Variants in NIM1K observed in about 807,000 individuals in gnomAD.
NIM1K encodes serine/threonine-protein kinase NIM1.
In NIM1K, 35 loss-of-function variants were observed where a neutral mutation model predicts 37.1. That is an observed-to-expected ratio of 0.94 (90% CI 0.72 to 1.25). The LOEUF (loss-of-function observed/expected upper bound fraction) is 1.25. NIM1K is among the 50% of genes most tolerant of loss of function. The probability of loss-of-function intolerance (pLI) is 0.00; values close to 1 mark genes in which losing one functional copy is unlikely to be tolerated. For missense variants in NIM1K, 564 were observed against 548.0 expected (o/e 1.03, Z -0.29); for synonymous variants, 234 against 206.6 (o/e 1.13, Z -1.14).
At chr5:43,276,067 G>A (rs2111565269) in intron 2 of NIM1K, among the ~76,000 whole-genome samples, 1 of 151,940 alleles carries the variant, frequency 6.6e-6, no homozygotes, top group South Asian at 2.1e-4. Context: ...TCTAATTTTT[G>A]TATTTTTAGT....
intron 1 of NIM1K, among the ~76,000 whole-genome samples, chr5:43,244,756 C>T (rs957941427): frequency 2.0e-4 from 31 of 152,148 alleles, no homozygotes; most frequent in Admixed American, 1.7e-3. Context: ...AATCTTTCAT[C>T]TTTGCTATCA....
At chr5:43,195,350 C>A (rs1032431857) in intron 1 of NIM1K, among the ~76,000 whole-genome samples, 3 of 152,114 alleles carry the variant, frequency 2.0e-5, no homozygotes, top group Non-Finnish European at 2.9e-5. Flanking sequence ...TACAGATGGA[C>A]AAGTTGTGTT....
intron 2 of NIM1K, among the ~76,000 whole-genome samples, chr5:43,257,463 G>A (rs1210787273): frequency 4.1e-5 from 6 of 146,552 alleles, no homozygotes. Context: ...TGCCTTCTGG[G>A]TTCAAGCAAT....
At chr5:43,265,486 C>T (rs1753130325) in intron 2 of NIM1K, among the ~76,000 whole-genome samples, 1 of 152,156 alleles carries the variant, frequency 6.6e-6, no homozygotes, top group Admixed American at 6.5e-5. Flanking sequence ...TTAAGGTCTT[C>T]TCTATGCTTT....
intron 2 of NIM1K, among the ~76,000 whole-genome samples, chr5:43,266,578 C>T (rs913015786): frequency 1.9e-4 from 29 of 152,218 alleles, no homozygotes; most frequent in African/African-American, 5.5e-4. Flanking sequence ...CTGGGTGAGG[C>T]GATGCCCTGC....
intron 1 of NIM1K, chr5:43,233,312 T>TACTTA (rs1554014756): frequency 3.3e-6 from 1 of 302,982 alleles, no homozygotes; most frequent in Non-Finnish European, 6.1e-6. Flanking sequence ...GAGTGACACT[T>TACTTA]AAAAAAAAAA....
intron 1 of NIM1K, among the ~76,000 whole-genome samples, chr5:43,209,909 C>T (rs1273797649): frequency 6.6e-6 from 1 of 152,138 alleles, no homozygotes; most frequent in Non-Finnish European, 1.5e-5. Flanking sequence ...GTCACCACAC[C>T]CGGCCCCGTG....
Position 43,229,042 on chromosome 5 carries a change from C to T in NIM1K, c.-694-16040C>T, listed in dbSNP as rs183305922. 9.2e-5 allele frequency among the ~76,000 whole-genome samples: 14 copies of T among 152,216 alleles called. No individual in the cohort carries two copies. In the East Asian group the frequency reaches 1.5e-3, roughly 17 times the overall value. On this transcript the variant is annotated intron_variant, in intron 1 of 3. Transcript: ENST00000326035. ...TATAGTACTTTTTAAAACAATAACA[C>T]GCTTACTTGCTTCACCTTAGTTTCT... is the stretch of plus-strand genomic sequence containing the variant.
intron 1 of NIM1K, chr5:43,232,985 T>G: frequency 8.7e-7 from 1 of 1,152,970 alleles, no homozygotes; most frequent in Non-Finnish European, 1.3e-6. Context: ...AACACTGCCC[T>G]GGGCACATGC....
chr5:43,222,253 T>C (rs1473445653), intron 1 of NIM1K, among the ~76,000 whole-genome samples: 2 of 152,172 alleles, frequency 1.3e-5, no homozygotes, highest in African/African-American at 4.8e-5. Flanking sequence ...TACGATCTTA[T>C]GGTTTAGGAC....
At chr5:43,242,354 C>T (rs936081644) in intron 1 of NIM1K, among the ~76,000 whole-genome samples, 17 of 151,816 alleles carry the variant, frequency 1.1e-4, no homozygotes, top group South Asian at 1.0e-3. Context: ...AGAGAACAAG[C>T]CCTGAAGCAG....
intron 2 of NIM1K, among the ~76,000 whole-genome samples, chr5:43,250,271 T>C (rs1428829414): frequency 6.6e-6 from 1 of 152,178 alleles, no homozygotes; most frequent in African/African-American, 2.4e-5. Context: ...TATCTATATA[T>C]GTGTATTTAT....
chr5:43,231,886 G>C lies in NIM1K; in HGVS notation c.-694-13196G>C, dbSNP rs560951051. ...CCAACCTCCTTATAATCCTTCTCAA[G>C]GGCAGTCATGTCCTCACTGGCCTCA... On this transcript the variant is annotated intron_variant, in intron 1 of 3. Transcript: ENST00000326035. 39 of 1,119,034 alleles carry C rather than the reference G, an allele frequency of 3.5e-5. 1 individual carries two copies. In the South Asian group the frequency reaches 4.4e-4, roughly 13 times the overall value. The allele number at this position is 1,119,034 out of a possible 1,614,324, so 69.3% of individuals were successfully genotyped here.
In NIM1K at chr5:43,277,275, C is replaced by T; in HGVS notation, c.511C>T (p.Pro171Ser). The T allele has an allele frequency of 1.9e-6, 3 of 1,614,066 alleles. No homozygotes were observed. The highest frequency in any genetic ancestry group is 2.5e-6 in the Non-Finnish European group (3 of 1,180,002). ...TAGCACTGAGGGGAAGCTCTCTGAA[C>T]CAGAAAGCAAGCTCATCTTCTCCCA... is the stretch of plus-strand genomic sequence containing the variant. ...KISTEGKLSE[P>S]ESKLIFSQIV... The change falls in exon 3 of 4, where the codon CCA becomes TCA. Residue 171 changes from proline to serine, a missense_variant. Transcript: ENST00000326035.
chr5:43,232,128 G>A (rs1054080840), intron 1 of NIM1K: 17 of 1,027,272 alleles, frequency 1.7e-5, no homozygotes, highest in Non-Finnish European at 2.5e-5. Flanking sequence ...AAGCCAGGGG[G>A]CACCAAACCA....
intron 2 of NIM1K, among the ~76,000 whole-genome samples, chr5:43,261,187 T>C (rs56981481): frequency 0.032 from 4,894 of 152,258 alleles, 292 homozygotes; most frequent in African/African-American, 0.11. Flanking sequence ...AAGTGCCACA[T>C]TGACTTCCTC....
chr5:43,261,569 T>G (rs1345906568), intron 2 of NIM1K, among the ~76,000 whole-genome samples: 1 of 152,068 alleles, frequency 6.6e-6, no homozygotes, highest in Non-Finnish European at 1.5e-5. Context: ...TGCCTGTTCA[T>G]TCTGATGGTA....
At chr5:43,217,279 CA>C (rs1213380097) in intron 1 of NIM1K, among the ~76,000 whole-genome samples, 1 of 152,072 alleles carries the variant, frequency 6.6e-6, no homozygotes, top group Non-Finnish European at 1.5e-5. Flanking sequence ...AAGAGTCATT[CA>C]TGTTGTAGCA....
Position 43,280,832 on chromosome 5 carries a change from C to A in NIM1K, c.*103C>A. The A allele has an allele frequency of 1.7e-6, 2 of 1,157,232 alleles. No individual in the cohort carries two copies. The highest frequency in any genetic ancestry group is 2.4e-6 in the Non-Finnish European group (2 of 837,130). The allele number at this position is 1,157,232 out of a possible 1,614,324, so 71.7% of individuals were successfully genotyped here. A position where few individuals can be genotyped will look rare whatever the true frequency, so the allele number is the denominator to read the frequency against. On this transcript the variant is annotated 3_prime_UTR_variant, in exon 4 of 4. Coordinates refer to ENST00000326035, the MANE Select transcript of NIM1K (RefSeq NM_153361.4). ...GACATTTTTGTAATTTTTAAATAAA[C>A]TTAAATTTGAGATATGCATTTTTTT...
Sources: gnomAD v4.1 joint callset for allele counts (sites outside exome capture counted in the v4.1 genomes callset) on GRCh38, gnomAD v4.1.1 for gene constraint, MANE v1.5 for transcripts, NCBI Gene and HGNC (gene_info 2026-07-23, HGNC 2026-07-21) for gene names.